Variants in SUPT3H observed in about 807,000 individuals in gnomAD.
SUPT3H encodes transcription initiation protein SPT3 homolog.
SUPT3H carries 44 observed loss-of-function variants against 44.3 expected under a neutral mutation model. The observed-to-expected ratio is 0.99, with a 90% confidence interval of 0.78 to 1.28. The LOEUF (loss-of-function observed/expected upper bound fraction) is 1.28. Ranked by LOEUF, SUPT3H falls within the 50% of genes most tolerant of loss-of-function variation. SUPT3H has a pLI of 0.00. For synonymous variants in SUPT3H, 124 were observed against 125.6 expected (o/e 0.99, Z 0.09); for missense variants, 380 against 387.1 (o/e 0.98, Z 0.15).
At chr6:45,354,284 C>T (rs1792673135) in intron 2 of SUPT3H, among the ~76,000 whole-genome samples, 1 of 151,858 alleles carries the variant, frequency 6.6e-6, no homozygotes, top group Non-Finnish European at 1.5e-5. Context: ...GATATACACA[C>T]AATGAAATAA....
At chr6:45,338,846 C>T (rs1370736794) in intron 2 of SUPT3H, among the ~76,000 whole-genome samples, 1 of 152,014 alleles carries the variant, frequency 6.6e-6, no homozygotes, top group East Asian at 1.9e-4. Context: ...GAGGTACTCA[C>T]TCTTGCACAG....
chr6:44,820,032 G>A (rs1267429089), intron 11 of SUPT3H, among the ~76,000 whole-genome samples: 1 of 151,692 alleles, frequency 6.6e-6, no homozygotes, highest in South Asian at 2.1e-4. Flanking sequence ...AGACCAGCCT[G>A]GGCAACGTGG....
chr6:45,296,738 C>CAAAAAAAAAAAAAAAAA (rs60921436), intron 2 of SUPT3H, among the ~76,000 whole-genome samples: 9 of 29,700 alleles, frequency 3.0e-4, no homozygotes, highest in Non-Finnish European at 4.7e-4. Context: ...GACTCTGTCT[C>CAAAAAAAAAAAAAAAAA]AAAAAAAAAA....
At chr6:45,105,233 T>G (rs1415476690) in intron 3 of SUPT3H, among the ~76,000 whole-genome samples, 1 of 151,964 alleles carries the variant, frequency 6.6e-6, no homozygotes, top group Non-Finnish European at 1.5e-5. Flanking sequence ...GATCCATATC[T>G]CACAAAATAA....
chr6:45,128,533 A>AAT (rs1554257895), intron 2 of SUPT3H, among the ~76,000 whole-genome samples: 832 of 51,828 alleles, frequency 0.016, 23 homozygotes, highest in East Asian at 0.058. Flanking sequence ...AAAAAAAAAA[A>AAT]ATATATATAT....
chr6:45,008,862 C>T (rs1468373102), intron 5 of SUPT3H, among the ~76,000 whole-genome samples: 1 of 152,044 alleles, frequency 6.6e-6, no homozygotes, highest in African/African-American at 2.4e-5. Context: ...GCCTCAGCCT[C>T]CCAGGTAACT....
At chr6:44,817,021 A>C (rs1766959725) in intron 11 of SUPT3H, among the ~76,000 whole-genome samples, 1 of 152,094 alleles carries the variant, frequency 6.6e-6, no homozygotes, top group Non-Finnish European at 1.5e-5. Context: ...TGATCATGCC[A>C]CTGCACTCCA....
chr6:44,939,886 G>A (rs537746891), intron 9 of SUPT3H, among the ~76,000 whole-genome samples: 73 of 99,738 alleles, frequency 7.3e-4, no homozygotes, highest in African/African-American at 2.8e-3. Context: ...TATGTTTGTG[G>A]TATCAGTTGT....
chr6:44,975,775 T>C (rs1298294649), intron 6 of SUPT3H, among the ~76,000 whole-genome samples: 3 of 152,000 alleles, frequency 2.0e-5, no homozygotes, highest in Admixed American at 1.3e-4. Context: ...ATTAATAATA[T>C]AAACATCAAA....
intron 5 of SUPT3H, among the ~76,000 whole-genome samples, chr6:45,007,236 T>C (rs188569213): frequency 2.0e-5 from 3 of 152,238 alleles, no homozygotes; most frequent in Admixed American, 6.5e-5. Flanking sequence ...TTTCTCATTA[T>C]GTTTAGAGAT....
At chr6:45,273,286 A>G (rs1044888635) in intron 2 of SUPT3H, among the ~76,000 whole-genome samples, 2 of 152,146 alleles carry the variant, frequency 1.3e-5, no homozygotes, top group African/African-American at 4.8e-5. Flanking sequence ...TGTGGGTTTC[A>G]CAGCATCGCC....
intron 2 of SUPT3H, among the ~76,000 whole-genome samples, chr6:45,246,634 G>A (rs1366925350): frequency 6.6e-6 from 1 of 152,136 alleles, no homozygotes; most frequent in Non-Finnish European, 1.5e-5. Flanking sequence ...TTCTTACAAA[G>A]TATGTTCTCT....
chr6:45,250,298 A>G (rs1318926050), intron 2 of SUPT3H, among the ~76,000 whole-genome samples: 1 of 152,084 alleles, frequency 6.6e-6, no homozygotes, highest in African/African-American at 2.4e-5. Context: ...AGAATCTTAC[A>G]TCTATGAAAA....
At chr6:45,274,823 G>A (rs1232228222) in intron 2 of SUPT3H, among the ~76,000 whole-genome samples, 1 of 152,132 alleles carries the variant, frequency 6.6e-6, no homozygotes, top group African/African-American at 2.4e-5. Context: ...GGTCGAGACT[G>A]CAGTGAGCCA....
chr6:45,361,588 A>G (rs1486373586), intron 2 of SUPT3H: 2 of 152,208 alleles, frequency 1.3e-5, no homozygotes, highest in East Asian at 3.8e-4. Context: ...CTTGAGTTCA[A>G]TAACCTAAAA....
In SUPT3H at chr6:45,246,300, T is replaced by A. The variant is rs562563826; in HGVS notation, c.101+118901A>T. On this transcript the variant is annotated intron_variant, in intron 2 of 10. Transcript: ENST00000371459. ...ATGATGTCTAATTTTTTATTTTTCTTTCGTTACCTGTGTTTTTAGTATAAT... is the reference window on the plus strand; with the variant it reads ...ATGATGTCTAATTTTTTATTTTTCTATCGTTACCTGTGTTTTTAGTATAAT... 3.3e-5 allele frequency among the ~76,000 whole-genome samples: 5 copies of A among 152,302 alleles called. No individual in the cohort carries two copies. The East Asian group carries it at 9.6e-4, about 29-fold the overall frequency.
intron 3 of SUPT3H, among the ~76,000 whole-genome samples, chr6:45,053,175 T>C (rs1000233122): frequency 1.3e-5 from 2 of 151,066 alleles, no homozygotes; most frequent in African/African-American, 4.9e-5. Flanking sequence ...GCTGGGACTA[T>C]AGGCATGTGC....
chr6:44,829,683 T>C lies in SUPT3H; in HGVS notation c.*133A>G, dbSNP rs927432751. 51 of 973,392 alleles carry C rather than the reference T, an allele frequency of 5.2e-5. No homozygotes were observed. The East Asian group carries it at 6.0e-4, about 11-fold the overall frequency. The allele number at this position is 973,392 out of a possible 1,614,324, so 60.3% of individuals were successfully genotyped here. ...CTGGAAAAGAGGAGGAGTCAGCAAGTTGAAAGTCACAACAGACCAGCCCAC... is the reference window on the plus strand; with the variant it reads ...CTGGAAAAGAGGAGGAGTCAGCAAGCTGAAAGTCACAACAGACCAGCCCAC... On this transcript the variant is annotated 3_prime_UTR_variant, in exon 11 of 11. Coordinates refer to ENST00000371459, the MANE Select transcript of SUPT3H (RefSeq NM_003599.4).
At chr6:45,312,881 G>A (rs1784178545) in intron 2 of SUPT3H, among the ~76,000 whole-genome samples, 1 of 152,062 alleles carries the variant, frequency 6.6e-6, no homozygotes, top group Non-Finnish European at 1.5e-5. Context: ...TAGACCATAT[G>A]ATAGGCCATA....
Sources: gnomAD v4.1 joint callset for allele counts (sites outside exome capture counted in the v4.1 genomes callset) on GRCh38, gnomAD v4.1.1 for gene constraint, MANE v1.5 for transcripts, NCBI Gene and HGNC (gene_info 2026-07-23, HGNC 2026-07-21) for gene names.